The following CGN variants were observed in gnomAD, a reference collection of about 807,000 sequenced individuals.
CGN encodes the protein cingulin.
A neutral mutation model predicts 157.1 loss-of-function variants in CGN; 121 were observed. The observed-to-expected ratio is 0.77, with a 90% CI of 0.66 to 0.90. The LOEUF (loss-of-function observed/expected upper bound fraction) is 0.90. Ranked by LOEUF, CGN falls within the 40% of genes least tolerant of loss-of-function variation. The pLI, the probability that CGN is intolerant of heterozygous loss-of-function variation, is 0.00. For missense variants in CGN, 1,424 were observed against 1,520.9 expected (o/e 0.94, Z 1.06); for synonymous variants, 535 against 607.5 (o/e 0.88, Z 1.76).
At position 151,524,889 on chromosome 1, in the gene CGN, A is replaced by C. The variant is rs776135927; in HGVS notation, c.1614+3A>C. 6.2e-7 allele frequency: 1 copy of C among 1,609,864 alleles called. No individual in the cohort carries two copies. On this transcript the variant is annotated splice_donor_region_variant and intron_variant, in intron 8 of 20. Coordinates refer to ENST00000271636, the MANE Select transcript of CGN (RefSeq NM_020770.3). This position sits in a 1 kb window ranked among gnomAD's most constrained non-coding sequence, Gnocchi z 4.4. Reference sequence around the variant, plus strand: ...GGAGCATGCAAGATGCAACCCAGGCATGTGACAAGAGCAGGGTCTGAGAGA... The same window carrying C: ...GGAGCATGCAAGATGCAACCCAGGCCTGTGACAAGAGCAGGGTCTGAGAGA...
intron 15 of CGN, 106 bp downstream of exon 15, chr1:151,534,242 C>A: frequency 9.1e-7 from 1 of 1,093,370 alleles, no homozygotes; most frequent in Non-Finnish European, 1.3e-6. Context: ...TTTTGTTTGG[C>A]TGCAGTATTT....
intron 10 of CGN, 138 bp from the exon 11 acceptor site, chr1:151,529,212 A>T: frequency 1.5e-6 from 1 of 668,738 alleles, no homozygotes; most frequent in Non-Finnish European, 2.5e-6. Flanking sequence ...TAACTTTTTG[A>T]GAAACTGCCA....
Position 151,524,172 on chromosome 1 carries a change from T to G in CGN, c.1269-54T>G. The G allele has an allele frequency of 7.1e-7, 1 of 1,405,258 alleles. No individual in the cohort carries two copies. Among genetic ancestry groups the G allele is most frequent in the Non-Finnish European group, 9.8e-7 (1 of 1,017,938 alleles). 87.0% of individuals were successfully genotyped at this position (1,405,258 alleles called of 1,614,324 possible). A position where few individuals can be genotyped will look rare whatever the true frequency, so the allele number is the denominator to read the frequency against. ...AATAAATATGAATTAAAATATATGA[T>G]GCGTTTAGAGAACTGCCTGACACAT... On this transcript the variant is annotated intron_variant, in intron 6 of 20. Transcript: ENST00000271636. This position sits in a 1 kb window ranked among gnomAD's most constrained non-coding sequence, Gnocchi z 4.4.
In CGN at chr1:151,538,072, G is replaced by C. The variant is rs1665009889; in HGVS notation, c.*726G>C. ...AGCCTTCCCTGCTGCCCCAGTGATT[G>C]ATTGAGAGAGCTGTTGGGGTTTCTC... On this transcript the variant is annotated 3_prime_UTR_variant, in exon 21 of 21. Coordinates refer to ENST00000271636, the MANE Select transcript of CGN (RefSeq NM_020770.3). The C allele has an allele frequency of 6.5e-6, 1 of 152,778 alleles. No homozygotes were observed. The highest frequency in any genetic ancestry group is 2.4e-5 in the African/African-American group (1 of 41,448). 9.5% of individuals were successfully genotyped at this position (152,778 alleles called of 1,614,324 possible).
At position 151,529,900 on chromosome 1, in the gene CGN, C is replaced by T. The variant is rs372310333; in HGVS notation, c.2107-9C>T. The T allele has an allele frequency of 3.1e-5, 50 of 1,610,364 alleles. No homozygotes were observed. Among genetic ancestry groups the T allele is most frequent in the Non-Finnish European group, 3.7e-5 (44 of 1,177,650 alleles). On this transcript the variant is annotated splice_polypyrimidine_tract_variant and intron_variant, in intron 11 of 20. Transcript: ENST00000271636. ...GGGTCTGAGCTGCCACCCCCTGAAC[C>T]GTCCTTAGGCTAAGATGGTGGCCGA...
At chr1:151,534,212 G>T in intron 15 of CGN, 76 bp downstream of exon 15, 1 of 1,365,586 alleles carries the variant, frequency 7.3e-7, no homozygotes, top group South Asian at 1.4e-5. Context: ...GGTCAAAACC[G>T]ACAGCCCACA....
At position 151,535,642 on chromosome 1, in the gene CGN, C is replaced by T. The variant is rs542290535; in HGVS notation, c.3037C>T (p.Arg1013Trp). 8.1e-6 allele frequency: 13 copies of T among 1,614,076 alleles called. No individual in the cohort carries two copies. The highest frequency in any genetic ancestry group is 1.7e-4 in the Middle Eastern group (1 of 6,044). Residue 1013 changes from arginine (R) to tryptophan (W), a missense_variant, in exon 17 of 21, where the codon CGG (arginine) becomes TGG (tryptophan). By Grantham distance (101) the Arg-to-Trp change is moderately radical (BLOSUM62 -3). Coordinates refer to ENST00000271636, the MANE Select transcript of CGN (RefSeq NM_020770.3). ...AGAGCTCATGCAGGAAAGGTCTGCT[C>T]GGCAGGACCTGGAGTGTGACAAAAT... ...RTELMQERSA[R>W]QDLECDKISL...
At chr1:151,525,855 T>TTTTTAA (rs1037576765) in intron 9 of CGN, 65 bp downstream of exon 9, 8 of 1,146,360 alleles carry the variant, frequency 7.0e-6, no homozygotes, top group African/African-American at 6.5e-5. Context: ...TTTTTTTTAA[T>TTTTTAA]TTTTAATTTT....
chr1:151,527,808 TACAC>T (rs141985486), intron 10 of CGN: 1,696 of 156,032 alleles, frequency 0.011, 25 homozygotes, highest in African/African-American at 0.041. Context: ...TTTGGTTTTA[TACAC>T]ACACACACAC....
intron 15 of CGN, chr1:151,534,376 A>G (rs1664911282): frequency 3.9e-6 from 2 of 506,342 alleles, no homozygotes; most frequent in Non-Finnish European, 7.0e-6. Flanking sequence ...CTGAGTCTGC[A>G]TGGCAACAGT....
Position 151,535,050 on chromosome 1 carries a change from C to G in CGN, c.2913C>G (p.Val971=), listed in dbSNP as rs1235870173. The change falls in exon 16 of 21, where the codon GTC becomes GTG. Residue 971 remains valine (V), a synonymous_variant. Coordinates refer to ENST00000271636, the MANE Select transcript of CGN (RefSeq NM_020770.3). ...TTGTTCTTCTGTCCTAGGAAAAAGT[C>G]TCACGGCTGGAAACAGAGTTAGATG... ...ARQLKGLEEK[V]SRLETELDEE... The G allele has an allele frequency of 3.1e-6, 5 of 1,613,620 alleles. No homozygotes were observed. The highest frequency in any genetic ancestry group is 1.1e-5 in the South Asian group (1 of 91,034).
intron 1 of CGN, among the ~76,000 whole-genome samples, chr1:151,517,187 A>G (rs191226253): frequency 6.6e-6 from 1 of 152,224 alleles, no homozygotes; most frequent in East Asian, 1.9e-4. Flanking sequence ...TCTTGAATAG[A>G]TAATACATCT....
At chr1:151,531,120 G>A (rs1023376213) in intron 13 of CGN, among the ~76,000 whole-genome samples, 1 of 151,592 alleles carries the variant, frequency 6.6e-6, no homozygotes, top group Non-Finnish European at 1.5e-5. Flanking sequence ...CAGCCTGGGT[G>A]ACAGAGCAAG....
intron 10 of CGN, among the ~76,000 whole-genome samples, chr1:151,528,240 G>C (rs771994280): frequency 4.6e-5 from 7 of 151,708 alleles, no homozygotes; most frequent in Non-Finnish European, 2.9e-5. Context: ...GCCCTCCTTG[G>C]CCTCCCAAAG....
At position 151,532,457 on chromosome 1, in the gene CGN, T is replaced by G. The variant is rs1399409394; in HGVS notation, c.2627T>G (p.Leu876Arg). Residue 876 changes from leucine to arginine, a missense_variant, in exon 14 of 21, where the codon CTG becomes CGG. Around this residue, in one of 3 missense-constraint regions of CGN, gnomAD observed 1,187 missense variants for 1,217.6 expected, o/e 0.97. Coordinates refer to ENST00000271636, the MANE Select transcript of CGN (RefSeq NM_020770.3). Reference sequence around the variant, plus strand: ...GCCCTGCAGCAGCTCCAGGCCCAGCTGGAGGATTATAAGGAAAAGGCCCGG... The same window carrying G: ...GCCCTGCAGCAGCTCCAGGCCCAGCGGGAGGATTATAAGGAAAAGGCCCGG... ...KQALQQLQAQ[L>R]EDYKEKARRE... is the part of the protein sequence containing the mutation. 6.2e-7 allele frequency: 1 copy of G among 1,606,442 alleles called. No individual in the cohort carries two copies. Among genetic ancestry groups the G allele is most frequent in the African/African-American group, 1.3e-5 (1 of 74,234 alleles).
Position 151,536,791 on chromosome 1 carries a change from G to A in CGN, c.3368G>A (p.Arg1123Gln), listed in dbSNP as rs555924887. ...QVDEAEEEIE[R>Q]LDGLRKKAQR... Reference sequence around the variant, plus strand: ...GATGAAGCAGAAGAGGAAATTGAGCGACTGGACGGCCTGAGGAAGAAGGCC... The same window carrying A: ...GATGAAGCAGAAGAGGAAATTGAGCAACTGGACGGCCTGAGGAAGAAGGCC... Residue 1123 changes from arginine to glutamine, a missense_variant, in exon 20 of 21, where the codon CGA becomes CAA. Arg to Gln is a conservative substitution (Grantham distance 43). Around this residue, in one of 3 missense-constraint regions of CGN, gnomAD observed 199 missense variants for 272.2 expected, o/e 0.73. Transcript: ENST00000271636. 8.7e-6 allele frequency: 14 copies of A among 1,614,130 alleles called. No homozygotes were observed. Among genetic ancestry groups the A allele is most frequent in the East Asian group, 4.5e-5 (2 of 44,876 alleles).
In CGN at chr1:151,527,056, G is replaced by A; in HGVS notation, c.1845G>A (p.Glu615=). The A allele has an allele frequency of 6.2e-7, 1 of 1,614,196 alleles. No individual in the cohort carries two copies. The highest frequency in any genetic ancestry group is 8.5e-7 in the Non-Finnish European group (1 of 1,180,052). ...TAGAGGTCTTGCAGAGGGAATTAGA[G>A]CAGGCCCGAGCTAGTGCTGGAGATA... ...EKIEVLQREL[E]QARASAGDTR... The change falls in exon 10 of 21, where the codon GAG becomes GAA. Residue 615 remains glutamate (E), a synonymous_variant. Transcript: ENST00000271636.
rs1664819154 is a variant in CGN, at chr1:151,530,793, C to G, written c.2571+47C>G. The G allele has an allele frequency of 4.5e-6, 7 of 1,544,792 alleles. No individual in the cohort carries two copies. In the African/African-American group the frequency reaches 5.5e-5, roughly 12 times the overall value. ...GCCTTTAGGAAGAGGCCCAGCTCAT[C>G]CAGAAGCTGGCCTGAGAGGACAGGG... On this transcript the variant is annotated intron_variant, in intron 13 of 20. Coordinates refer to ENST00000271636, the MANE Select transcript of CGN (RefSeq NM_020770.3).
At chr1:151,528,272 C>T (rs1664744130) in intron 10 of CGN, among the ~76,000 whole-genome samples, 1 of 151,982 alleles carries the variant, frequency 6.6e-6, no homozygotes, top group Non-Finnish European at 1.5e-5. Context: ...CAGGCGTGAG[C>T]CACCGCACCC....
Sources: allele counts gnomAD v4.1 joint callset (sites outside exome capture counted in the v4.1 genomes callset), GRCh38; gene constraint gnomAD v4.1.1; regional missense constraint gnomAD v4.1.1; non-coding constraint Gnocchi (gnomAD v3.1); transcripts MANE v1.5; gene names NCBI Gene and HGNC (gene_info 2026-07-23, HGNC 2026-07-21).